The following CFAP45 variants were observed in gnomAD, a reference collection of about 807,000 sequenced individuals.
CFAP45 encodes the protein cilia- and flagella-associated protein 45.
CFAP45 carries 43 observed loss-of-function variants against 75.6 expected under a neutral mutation model. The observed-to-expected ratio is 0.57, with a 90% CI of 0.45 to 0.73. The LOEUF is 0.73. Among genes scored for constraint, CFAP45 ranks in the 30% least tolerant of loss-of-function variants. CFAP45 has a pLI of 0.00. For synonymous variants in CFAP45, 223 were observed against 244.6 expected (o/e 0.91, Z 0.82); for missense variants, 689 against 701.5 (o/e 0.98, Z 0.20).
In CFAP45 at chr1:159,880,558, T is replaced by C; in HGVS notation, c.1040A>G (p.Lys347Arg). The C allele has an allele frequency of 6.2e-7, 1 of 1,612,510 alleles. No individual in the cohort carries two copies. The highest frequency in any genetic ancestry group is 8.5e-7 in the Non-Finnish European group (1 of 1,179,212). The change falls in exon 8 of 12, where the codon AAG (lysine) becomes AGG (arginine). Residue 347 changes from lysine (K) to arginine (R), a missense_variant. By Grantham distance (26) the Lys-to-Arg change is conservative. Coordinates refer to ENST00000368099, the MANE Select transcript of CFAP45 (RefSeq NM_012337.3). ...DQMVMEFTKKKMAREAEFEAE... is the reference protein window; with the variant it reads ...DQMVMEFTKKRMAREAEFEAE... ...TCCCAGAAACCAAGTCCCTACCATC[T>C]TCTTCTTGGTAAACTCCATCACCAT...
intron 1 of CFAP45, among the ~76,000 whole-genome samples, chr1:159,894,156 T>C (rs920848030): frequency 2.0e-5 from 3 of 152,200 alleles, no homozygotes; most frequent in Admixed American, 1.3e-4. Context: ...GGGGTTTTTT[T>C]AAGAGCATTT....
At chr1:159,890,757 CTTTTTTT>C (rs965390100) in intron 2 of CFAP45, 135 bp from the exon 3 acceptor site, 4 of 319,384 alleles carry the variant, frequency 1.3e-5, no homozygotes, top group African/African-American at 5.9e-5. Flanking sequence ...CTTTTCTTTT[CTTTTTTT>C]TTTTTTTTTT....
At position 159,872,373 on chromosome 1, in the gene CFAP45, A is replaced by G. The variant is rs1649299724; in HGVS notation, c.*112T>C. On this transcript the variant is annotated 3_prime_UTR_variant, in exon 12 of 12. Transcript: ENST00000368099. ...AAAGCCAAGCTGTTCCTTAAAGTCAAGTAGATTTAATCTGTAACTATGAAA... is the reference window on the plus strand; with the variant it reads ...AAAGCCAAGCTGTTCCTTAAAGTCAGGTAGATTTAATCTGTAACTATGAAA... 1.1e-6 allele frequency: 1 copy of G among 871,958 alleles called. No individual in the cohort carries two copies. Among genetic ancestry groups the G allele is most frequent in the East Asian group, 2.4e-5 (1 of 40,958 alleles). 54.0% of individuals were successfully genotyped at this position (871,958 alleles called of 1,614,324 possible).
chr1:159,882,525 T>C (rs1649571492), intron 7 of CFAP45, among the ~76,000 whole-genome samples: 1 of 152,148 alleles, frequency 6.6e-6, no homozygotes, highest in Non-Finnish European at 1.5e-5. Flanking sequence ...TTCCCTTCAC[T>C]CTTTCCCCCT....
At chr1:159,890,090 T>C (rs1461979126) in intron 3 of CFAP45, among the ~76,000 whole-genome samples, 2 of 152,176 alleles carry the variant, frequency 1.3e-5, no homozygotes, top group African/African-American at 4.8e-5. Flanking sequence ...TCAGTTTCCC[T>C]TTGCTTCAGA....
intron 5 of CFAP45, among the ~76,000 whole-genome samples, chr1:159,887,629 G>A (rs1245107843): frequency 6.6e-6 from 1 of 152,258 alleles, no homozygotes; most frequent in African/African-American, 2.4e-5. Flanking sequence ...GGCTCAGGGA[G>A]GGCAAGTGAC....
Position 159,888,471 on chromosome 1 carries a change from C to A in CFAP45, c.298G>T (p.Glu100Ter), listed in dbSNP as rs777543850. Residue 100 changes from glutamate to a stop codon, truncating the protein, a stop_gained, in exon 4 of 12, where the codon GAG (glutamate) becomes TAG (stop). Coordinates refer to ENST00000368099, the MANE Select transcript of CFAP45 (RefSeq NM_012337.3). LOFTEE classifies it high-confidence loss of function. ...TCCTCAGGGCTGATGATTAGGGACTCCCCGGAGGGATCCTCTGTGGGAACA... is the reference window on the plus strand; with the variant it reads ...TCCTCAGGGCTGATGATTAGGGACTACCCGGAGGGATCCTCTGTGGGAACA... ...LIVPTEDPSG[E>*]SLIISPEEFE... 1 of 1,595,772 alleles carries A rather than the reference C, an allele frequency of 6.3e-7. No homozygotes were observed.
At chr1:159,880,347 G>C (rs74124746) in intron 8 of CFAP45, among the ~76,000 whole-genome samples, 8,429 of 152,208 alleles carry the variant, frequency 0.055, 588 homozygotes, top group East Asian at 0.28. Flanking sequence ...AGCTAATTTG[G>C]TTGTCCTTTC....
intron 2 of CFAP45, among the ~76,000 whole-genome samples, chr1:159,891,375 A>G (rs1211112108): frequency 2.6e-5 from 4 of 152,194 alleles, no homozygotes; most frequent in South Asian, 2.1e-4. Flanking sequence ...CCCCACAAAA[A>G]GCCATATTCA....
At chr1:159,881,431 T>C (rs1557912528) in intron 7 of CFAP45, among the ~76,000 whole-genome samples, 1 of 152,242 alleles carries the variant, frequency 6.6e-6, no homozygotes, top group Non-Finnish European at 1.5e-5. Flanking sequence ...ACACACCTCT[T>C]GCAAGGTGAT....
At chr1:159,885,962 C>CA (rs1410143400) in intron 6 of CFAP45, among the ~76,000 whole-genome samples, 1 of 152,136 alleles carries the variant, frequency 6.6e-6, no homozygotes, top group Non-Finnish European at 1.5e-5. Flanking sequence ...TGGGAAAAAG[C>CA]ACAGAGTAGA....
rs1571189620 is a variant in CFAP45 at position 159,893,439 on chromosome 1, T to C, written c.4-134A>G. The C allele has an allele frequency of 2.4e-6, 2 of 817,700 alleles. 1 individual carries two copies. The highest frequency in any genetic ancestry group is 3.1e-5 in the South Asian group (2 of 65,494). 50.7% of individuals were successfully genotyped at this position (817,700 alleles called of 1,614,324 possible). ...AAGAAACAGTTAGGGAAAGCGGCTG[T>C]GTAAACTCTGAACCATAGGGGACAA... On this transcript the variant is annotated intron_variant, in intron 1 of 11. Coordinates refer to ENST00000368099, the MANE Select transcript of CFAP45 (RefSeq NM_012337.3).
chr1:159,882,421 T>A (rs60102890), intron 7 of CFAP45, among the ~76,000 whole-genome samples: 7,801 of 152,290 alleles, frequency 0.051, 523 homozygotes, highest in East Asian at 0.28. Flanking sequence ...ATTTACTTTT[T>A]GGATTGTTGT....
intron 5 of CFAP45, 40 bp from the exon 6 acceptor site, chr1:159,886,729 A>T (rs771107424): frequency 4.5e-6 from 7 of 1,558,566 alleles, no homozygotes; most frequent in East Asian, 2.2e-5. Flanking sequence ...AGGCCTAGGG[A>T]TGTGTAAGTT....
chr1:159,882,172 C>G (rs1649564757), intron 7 of CFAP45, among the ~76,000 whole-genome samples: 1 of 152,184 alleles, frequency 6.6e-6, no homozygotes, highest in Non-Finnish European at 1.5e-5. Context: ...CTCTCTCTCT[C>G]ACCATACTCA....
chr1:159,876,880 CTAGT>C (rs1016172599), intron 9 of CFAP45, 131 bp from the exon 10 acceptor site: 2 of 840,936 alleles, frequency 2.4e-6, no homozygotes, highest in Non-Finnish European at 3.9e-6. Flanking sequence ...TCTCTGGCAG[CTAGT>C]TATTCTAGGA....
chr1:159,881,260 T>G (rs1649544340), intron 7 of CFAP45, among the ~76,000 whole-genome samples: 1 of 152,244 alleles, frequency 6.6e-6, no homozygotes, highest in Non-Finnish European at 1.5e-5. Context: ...AGCATTGAAG[T>G]GACTTCCCCA....
chr1:159,890,693 G>T, intron 2 of CFAP45, 71 bp from the exon 3 acceptor site: 1 of 1,456,354 alleles, frequency 6.9e-7, no homozygotes, highest in Non-Finnish European at 9.6e-7. Context: ...TAACTTCAAG[G>T]ATAGAGCAGC....
At chr1:159,882,711 G>T (rs1053907315) in intron 7 of CFAP45, among the ~76,000 whole-genome samples, 2 of 152,106 alleles carry the variant, frequency 1.3e-5, no homozygotes, top group South Asian at 4.1e-4. Context: ...CAACATAATG[G>T]TGCTGACTCA....
Sources: gnomAD v4.1 joint callset for allele counts (sites outside exome capture counted in the v4.1 genomes callset) on GRCh38, gnomAD v4.1.1 for gene constraint, MANE v1.5 for transcripts, NCBI Gene and HGNC (gene_info 2026-07-23, HGNC 2026-07-21) for gene names.